PCDH15: variants seen among roughly 807,000 people sequenced by gnomAD.
PCDH15 encodes the protein protocadherin related 15, also known as protocadherin-15.
A neutral mutation model predicts 178.5 loss-of-function variants in PCDH15; 129 were observed. That is an observed-to-expected ratio of 0.72 (90% confidence interval 0.63 to 0.84). The LOEUF (loss-of-function observed/expected upper bound fraction) is 0.84, where lower values mean the gene tolerates loss of function less well. PCDH15 is among the 40% of genes least tolerant of loss of function. The pLI is 0.00. For synonymous variants in PCDH15, 800 were observed against 732.0 expected (o/e 1.09, Z -1.50); for missense variants, 2,230 against 2,099.9 (o/e 1.06, Z -1.21).
chr10:53,867,566 G>A (rs1589160521), intron 26 of PCDH15, among the ~76,000 whole-genome samples: 1 of 152,162 alleles, frequency 6.6e-6, no homozygotes, highest in Non-Finnish European at 1.5e-5. Flanking sequence ...CACTAACAGA[G>A]TCAATGAATC....
intron 3 of PCDH15, among the ~76,000 whole-genome samples, chr10:54,508,953 A>G (rs1025538412): frequency 6.6e-6 from 1 of 152,144 alleles, no homozygotes; most frequent in Non-Finnish European, 1.5e-5. Flanking sequence ...TTTCACGTAT[A>G]CACACATAGC....
chr10:54,975,772 G>A (rs1024027915), intron 2 of PCDH15, among the ~76,000 whole-genome samples: 5 of 152,074 alleles, frequency 3.3e-5, no homozygotes, highest in East Asian at 1.9e-4. Context: ...TAGTATGGCC[G>A]GGAAAACACT....
chr10:54,519,752 C>G (rs1261400062), intron 3 of PCDH15, among the ~76,000 whole-genome samples: 3 of 152,092 alleles, frequency 2.0e-5, no homozygotes, highest in East Asian at 3.9e-4. Flanking sequence ...CCCGCATCAC[C>G]AAGTCAATCC....
chr10:54,110,992 A>AC (rs1368783516), intron 15 of PCDH15, among the ~76,000 whole-genome samples: 1 of 152,030 alleles, frequency 6.6e-6, no homozygotes, highest in Non-Finnish European at 1.5e-5. Flanking sequence ...GTATAGAAAC[A>AC]CCATAGGGAC....
chr10:54,196,024 C>A, intron 10 of PCDH15, 135 bp from the exon 11 acceptor site: 3 of 723,468 alleles, frequency 4.1e-6, no homozygotes, highest in Non-Finnish European at 4.6e-6. Flanking sequence ...CGTTAAAGGG[C>A]CATTTGAAAA....
chr10:53,998,972 G>C (rs1467663588), intron 20 of PCDH15, among the ~76,000 whole-genome samples: 1 of 147,252 alleles, frequency 6.8e-6, no homozygotes, highest in East Asian at 2.0e-4. Context: ...AGAATTCCTT[G>C]AACCCAGGAG....
At chr10:54,172,113 C>T (rs59753123) in intron 13 of PCDH15, among the ~76,000 whole-genome samples, 16,850 of 152,112 alleles carry the variant, frequency 0.11, 1,986 homozygotes, top group African/African-American at 0.3. Context: ...TGCACTTATA[C>T]GCCCAGATGG....
chr10:54,075,065 GTTTATT>G (rs2094315397), intron 17 of PCDH15, among the ~76,000 whole-genome samples: 1 of 152,138 alleles, frequency 6.6e-6, no homozygotes, highest in African/African-American at 2.4e-5. Flanking sequence ...GAATCAGTTT[GTTTATT>G]TTTGTTTTCT....
intron 21 of PCDH15, 56 bp downstream of exon 21, chr10:53,995,593 G>A (rs2091794130): frequency 6.2e-7 from 1 of 1,613,058 alleles, no homozygotes; most frequent in Non-Finnish European, 8.5e-7. Context: ...TCATTTATGA[G>A]TGTTAAGGAT....
intron 1 of PCDH15, among the ~76,000 whole-genome samples, chr10:55,294,610 C>T (rs1564978228): frequency 6.6e-6 from 1 of 152,128 alleles, no homozygotes; most frequent in Non-Finnish European, 1.5e-5. Context: ...ATGTTCTGCT[C>T]ATTAAATGTC....
chr10:54,644,652 G>GA (rs2094081610), intron 2 of PCDH15, among the ~76,000 whole-genome samples: 1 of 151,910 alleles, frequency 6.6e-6, no homozygotes. Context: ...GATAAGGCTA[G>GA]AAAAAAAGAT....
chr10:54,323,846 G>A (rs1591799307), intron 7 of PCDH15, among the ~76,000 whole-genome samples: 1 of 152,028 alleles, frequency 6.6e-6, no homozygotes, highest in Non-Finnish European at 1.5e-5. Flanking sequence ...AAAAAATAAT[G>A]CTTCTATGAA....
chr10:54,732,382 T>G (rs1943536465), intron 1 of PCDH15, among the ~76,000 whole-genome samples: 1 of 151,216 alleles, frequency 6.6e-6, no homozygotes, highest in Admixed American at 6.6e-5. Context: ...AACTTAAAAA[T>G]AACAAAAATA....
intron 2 of PCDH15, among the ~76,000 whole-genome samples, chr10:55,434,849 C>G (rs1275757887): frequency 6.6e-6 from 1 of 152,124 alleles, no homozygotes; most frequent in South Asian, 2.1e-4. Flanking sequence ...TGTGATCCAC[C>G]GACCTTGGCC....
chr10:54,970,707 G>A (rs2131893470), intron 2 of PCDH15, among the ~76,000 whole-genome samples: 1 of 152,020 alleles, frequency 6.6e-6, no homozygotes, highest in Middle Eastern at 3.4e-3. Flanking sequence ...TCCTACCCTG[G>A]ATGGAATCAT....
intron 2 of PCDH15, among the ~76,000 whole-genome samples, chr10:55,365,390 A>G (rs1197654522): frequency 1.3e-5 from 2 of 152,106 alleles, no homozygotes; most frequent in African/African-American, 4.8e-5. Context: ...TGTGGAATGC[A>G]CTTGTCTTGT....
chr10:54,592,112 C>A (rs1318820763), intron 2 of PCDH15, among the ~76,000 whole-genome samples: 1 of 152,060 alleles, frequency 6.6e-6, no homozygotes, highest in African/African-American at 2.4e-5. Flanking sequence ...CATACAAAAC[C>A]ATGCATGGGT....
intron 1 of PCDH15, among the ~76,000 whole-genome samples, chr10:54,667,875 T>A (rs2094597008): frequency 6.6e-6 from 1 of 152,112 alleles, no homozygotes; most frequent in Admixed American, 6.6e-5. Context: ...CATTTTGCAA[T>A]CGTGACTTAG....
chr10:53,822,089 T>C, intron 32 of PCDH15: 2 of 1,614,096 alleles, frequency 1.2e-6, no homozygotes, highest in Non-Finnish European at 1.7e-6. Context: ...GGATGCCTTT[T>C]GGTTCTCTCT....
Sources: gnomAD v4.1 joint callset for allele counts (sites outside exome capture counted in the v4.1 genomes callset) on GRCh38, gnomAD v4.1.1 for gene constraint, MANE v1.5 for transcripts, NCBI Gene and HGNC (gene_info 2026-07-23, HGNC 2026-07-21) for gene names.